ACSM1: variants seen among roughly 807,000 people sequenced by gnomAD.
ACSM1 encodes acyl-coenzyme A synthetase ACSM1, mitochondrial.
In ACSM1, 79 loss-of-function variants were observed where a neutral mutation model predicts 75.8. The ratio of observed to expected loss-of-function variants is 1.04; its 90% CI spans 0.87 to 1.26. The LOEUF (loss-of-function observed/expected upper bound fraction) is 1.26. ACSM1 is among the 50% of genes most tolerant of loss of function. The pLI is 0.00. For missense variants in ACSM1, 676 were observed against 720.1 expected (o/e 0.94, Z 0.70); for synonymous variants, 279 against 265.8 (o/e 1.05, Z -0.48).
chr16:20,661,656 T>G (rs2019305363), intron 7 of ACSM1, 138 bp downstream of exon 7: 3 of 537,994 alleles, frequency 5.6e-6, no homozygotes, highest in Admixed American at 6.8e-5. Context: ...TAATTAACTT[T>G]TGATCATCAT....
rs1322642874 is a variant in ACSM1, at chr16:20,682,423, T to C, written c.444A>G (p.Lys148=). 2 of 1,613,888 alleles carry C rather than the reference T, an allele frequency of 1.2e-6. No individual in the cohort carries two copies. Among genetic ancestry groups the C allele is most frequent in the Non-Finnish European group, 1.7e-6 (2 of 1,179,860 alleles). ...ACAACTGTAGTCGATAGAGAATGTCTTTGGCCTTCAACAGGATGGTCGCAG... is the reference window on the plus strand; with the variant it reads ...ACAACTGTAGTCGATAGAGAATGTCCTTGGCCTTCAACAGGATGGTCGCAG... ...FIPATILLKA[K]DILYRLQLSK... is the part of the protein sequence containing the mutation. Residue 148 remains lysine, a synonymous_variant, in exon 4 of 14, where the codon AAA becomes AAG. Coordinates refer to ENST00000520010, the MANE Select transcript of ACSM1 (RefSeq NM_001318890.3).
At chr16:20,686,503 G>A (rs778444603) in intron 2 of ACSM1, among the ~76,000 whole-genome samples, 9 of 152,112 alleles carry the variant, frequency 5.9e-5, no homozygotes, top group Non-Finnish European at 1.3e-4. Flanking sequence ...AGAGCATTAG[G>A]ACAAATAGCT....
intron 4 of ACSM1, among the ~76,000 whole-genome samples, chr16:20,675,974 A>G (rs1428219894): frequency 2.0e-5 from 3 of 152,234 alleles, no homozygotes; most frequent in Non-Finnish European, 4.4e-5. Context: ...CGGAGACAAA[A>G]GAAAAGTCTC....
chr16:20,631,445 T>C (rs2017339695), intron 10 of ACSM1, among the ~76,000 whole-genome samples: 1 of 152,234 alleles, frequency 6.6e-6, no homozygotes, highest in Non-Finnish European at 1.5e-5. Flanking sequence ...ACAGCTGCTA[T>C]GGAAAACAGT....
At chr16:20,647,387 T>C (rs1031675925) in intron 7 of ACSM1, among the ~76,000 whole-genome samples, 19 of 152,208 alleles carry the variant, frequency 1.2e-4, no homozygotes, top group African/African-American at 4.6e-4. Context: ...ACTCAGCTCT[T>C]TTCTACCTGA....
chr16:20,625,183 T>C (rs542169794), intron 12 of ACSM1, among the ~76,000 whole-genome samples: 34 of 152,324 alleles, frequency 2.2e-4, no homozygotes, highest in African/African-American at 7.5e-4. Flanking sequence ...TGTTCTTAGA[T>C]TACTACATTG....
At position 20,634,959 on chromosome 16, in the gene ACSM1, G is replaced by A. The variant is rs150970441; in HGVS notation, c.1299+1780C>T. 9.9e-5 allele frequency among the ~76,000 whole-genome samples: 15 copies of A among 152,210 alleles called. No homozygotes were observed. In the East Asian group the frequency reaches 2.3e-3, roughly 23 times the overall value. ...AGAAGTAGAATTGCTGGGTCTCATG[G>A]TAATTCTGTAATTCTTTTACATAAA... is the stretch of plus-strand genomic sequence containing the variant. On this transcript the variant is annotated intron_variant, in intron 10 of 13. Coordinates refer to ENST00000520010, the MANE Select transcript of ACSM1 (RefSeq NM_001318890.3).
intron 11 of ACSM1, among the ~76,000 whole-genome samples, chr16:20,626,121 C>T (rs2016908850): frequency 6.6e-6 from 1 of 152,056 alleles, no homozygotes; most frequent in Admixed American, 6.5e-5. Context: ...CATGGTGGCT[C>T]ACACCTGTAA....
chr16:20,653,550 G>C (rs1056768437), intron 7 of ACSM1, among the ~76,000 whole-genome samples: 17 of 152,110 alleles, frequency 1.1e-4, no homozygotes, highest in Non-Finnish European at 2.1e-4. Context: ...AGCAACTTCA[G>C]CAAAATCTCA....
intron 8 of ACSM1, 35 bp downstream of exon 8, chr16:20,640,426 C>A: frequency 6.2e-7 from 1 of 1,612,640 alleles, no homozygotes; most frequent in Non-Finnish European, 8.5e-7. Flanking sequence ...TTAATTGAGA[C>A]CTGTCTCAGA....
chr16:20,663,808 T>C (rs765942696), intron 6 of ACSM1, among the ~76,000 whole-genome samples: 1 of 152,222 alleles, frequency 6.6e-6, no homozygotes, highest in Non-Finnish European at 1.5e-5. Context: ...TGAGCTATTC[T>C]AGTTCCCCCT....
intron 4 of ACSM1, among the ~76,000 whole-genome samples, chr16:20,678,215 A>G (rs1020878559): frequency 6.6e-6 from 1 of 152,082 alleles, no homozygotes; most frequent in African/African-American, 2.4e-5. Flanking sequence ...AAAATTTTCC[A>G]GTGGGAGGCT....
At chr16:20,697,540 G>A (rs2079696073) in intron 1 of ACSM1, 96 bp downstream of exon 1, 1 of 146,758 alleles carries the variant, frequency 6.8e-6, no homozygotes, top group Non-Finnish European at 1.5e-5. Flanking sequence ...AGCATTGCCA[G>A]AACTTAAAAT....
chr16:20,661,996 T>A, intron 6 of ACSM1, 123 bp from the exon 7 acceptor site: 1 of 568,000 alleles, frequency 1.8e-6, no homozygotes, highest in Non-Finnish European at 3.2e-6. Context: ...CTTAATCCTT[T>A]AAATACACAC....
intron 11 of ACSM1, among the ~76,000 whole-genome samples, chr16:20,625,961 G>A (rs13334726): frequency 2.6e-3 from 392 of 152,272 alleles, no homozygotes; most frequent in African/African-American, 9.1e-3. Flanking sequence ...ATAGTAACGC[G>A]ATTAAAACAC....
intron 7 of ACSM1, among the ~76,000 whole-genome samples, chr16:20,657,551 C>T (rs1195207961): frequency 6.6e-6 from 1 of 152,026 alleles, no homozygotes; most frequent in African/African-American, 2.4e-5. Flanking sequence ...TCAGGTGATC[C>T]ACCCACCTCG....
At chr16:20,645,699 C>A (rs1447615709) in intron 7 of ACSM1, among the ~76,000 whole-genome samples, 1 of 152,174 alleles carries the variant, frequency 6.6e-6, no homozygotes, top group South Asian at 2.1e-4. Flanking sequence ...AACAATTCCC[C>A]ACAGGCCAGC....
Position 20,637,356 on chromosome 16 carries a change from C to A in ACSM1, c.1197+15G>T. 2 of 1,612,920 alleles carry A rather than the reference C, an allele frequency of 1.2e-6. No homozygotes were observed. Among genetic ancestry groups the A allele is most frequent in the Non-Finnish European group, 1.7e-6 (2 of 1,178,930 alleles). On this transcript the variant is annotated intron_variant, in intron 9 of 13. Coordinates refer to ENST00000520010, the MANE Select transcript of ACSM1 (RefSeq NM_001318890.3). ...GAGCCCTAACTGCTCCCTGCCAATG[C>A]CCTTAGGACCAGACCTGGACGTCGT...
chr16:20,627,606 G>A (rs1463133197), intron 10 of ACSM1, among the ~76,000 whole-genome samples: 1 of 152,006 alleles, frequency 6.6e-6, no homozygotes, highest in East Asian at 1.9e-4. Context: ...TGAGGTGGGT[G>A]GATCATGAGG....
Sources: allele counts gnomAD v4.1 joint callset (sites outside exome capture counted in the v4.1 genomes callset), GRCh38; gene constraint gnomAD v4.1.1; transcripts MANE v1.5; gene names NCBI Gene and HGNC (gene_info 2026-07-23, HGNC 2026-07-21).